SLC12A8: variants seen among roughly 807,000 people sequenced by gnomAD.
SLC12A8 encodes the protein cation-chloride cotransporter 9.
SLC12A8 carries 69 observed loss-of-function variants against 75.6 expected under a neutral mutation model. That is an observed-to-expected ratio of 0.91 (90% CI 0.75 to 1.11). SLC12A8 has a LOEUF of 1.11. Among genes scored for constraint, SLC12A8 ranks in the 50% most tolerant of loss-of-function variants. SLC12A8 has a pLI of 0.00. For missense variants in SLC12A8, 877 were observed against 896.7 expected, an observed-to-expected ratio of 0.98 and a Z score of 0.28; for synonymous variants, 365 against 372.8, an observed-to-expected ratio of 0.98 and a Z score of 0.24.
intron 5 of SLC12A8, among the ~76,000 whole-genome samples, chr3:125,167,238 C>G (rs1487437901): frequency 6.6e-6 from 1 of 152,086 alleles, no homozygotes; most frequent in Non-Finnish European, 1.5e-5. Context: ...CAACCTCTGC[C>G]TCCCGGGTTC....
chr3:125,187,531 T>A, intron 3 of SLC12A8, 103 bp from the exon 4 acceptor site: 1 of 1,059,306 alleles, frequency 9.4e-7, no homozygotes. Context: ...AGCACTGGAA[T>A]AGGGGCCAGG....
intron 9 of SLC12A8, among the ~76,000 whole-genome samples, chr3:125,108,473 A>G (rs1939100222): frequency 6.6e-6 from 1 of 151,712 alleles, no homozygotes; most frequent in South Asian, 2.1e-4. Flanking sequence ...GGCTTAAGCC[A>G]TCCTCCCACC....
chr3:125,145,075 C>T (rs770076928), intron 5 of SLC12A8, among the ~76,000 whole-genome samples: 7 of 152,224 alleles, frequency 4.6e-5, no homozygotes, highest in Non-Finnish European at 8.8e-5. Context: ...AGAAAGTTAG[C>T]ATCACAGCAG....
chr3:125,164,742 C>A (rs1934249156), intron 5 of SLC12A8, among the ~76,000 whole-genome samples: 1 of 152,232 alleles, frequency 6.6e-6, no homozygotes, highest in Non-Finnish European at 1.5e-5. Context: ...GCAGAGCCTG[C>A]ATGAGTAGAG....
rs1938383183 is a variant in SLC12A8 at position 125,083,619 on chromosome 3, G to A, written c.*271C>T. 3.1e-6 allele frequency: 1 copy of A among 325,826 alleles called. No individual in the cohort carries two copies. Among genetic ancestry groups the A allele is most frequent in the African/African-American group, 2.2e-5 (1 of 46,284 alleles). 20.2% of individuals were successfully genotyped at this position (325,826 alleles called of 1,614,324 possible). ...TGCCTATAATCCCAGCTACTCAGGAGGCTGAGGCAGGAGAATTGCTTGAAC... is the reference window on the plus strand; with the variant it reads ...TGCCTATAATCCCAGCTACTCAGGAAGCTGAGGCAGGAGAATTGCTTGAAC... On this transcript the variant is annotated 3_prime_UTR_variant, in exon 14 of 14. Coordinates refer to ENST00000469902, the MANE Select transcript of SLC12A8 (RefSeq NM_024628.6).
intron 5 of SLC12A8, among the ~76,000 whole-genome samples, chr3:125,167,012 C>T (rs1934305393): frequency 6.6e-6 from 1 of 152,134 alleles, no homozygotes; most frequent in Admixed American, 6.5e-5. Context: ...ATCTGTAATG[C>T]TTTATTTATT....
At chr3:125,168,024 G>A (rs923344012) in intron 5 of SLC12A8, among the ~76,000 whole-genome samples, 3 of 152,178 alleles carry the variant, frequency 2.0e-5, no homozygotes, top group South Asian at 4.1e-4. Context: ...TACGAAAAGT[G>A]ATCTGGCTTC....
intron 5 of SLC12A8, among the ~76,000 whole-genome samples, chr3:125,166,196 C>T (rs1368231807): frequency 1.3e-5 from 2 of 152,066 alleles, no homozygotes; most frequent in African/African-American, 2.4e-5. Flanking sequence ...ACACTAGCCT[C>T]GCCATTTCCC....
At chr3:125,091,752 TAA>T (rs1938587233) in intron 11 of SLC12A8, among the ~76,000 whole-genome samples, 196 bp from the exon 12 acceptor site, 1 of 152,286 alleles carries the variant, frequency 6.6e-6, no homozygotes, top group Non-Finnish European at 1.5e-5. Context: ...CTTCTGAAAA[TAA>T]CTCTTTAATT....
At chr3:125,132,657 C>T (rs2942814) in intron 6 of SLC12A8, among the ~76,000 whole-genome samples, 11,226 of 152,112 alleles carry the variant, frequency 0.074, 488 homozygotes, top group Admixed American at 0.095. Flanking sequence ...GTCCAAGATA[C>T]CCAAGAGAAG....
chr3:125,177,147 A>G (rs1303712473), intron 5 of SLC12A8, among the ~76,000 whole-genome samples: 1 of 152,064 alleles, frequency 6.6e-6, no homozygotes, highest in Non-Finnish European at 1.5e-5. Flanking sequence ...ATGCAGCCAT[A>G]AAAAAGGATG....
At chr3:125,192,295 T>G (rs1391983404) in intron 2 of SLC12A8, among the ~76,000 whole-genome samples, 2 of 152,074 alleles carry the variant, frequency 1.3e-5, no homozygotes, top group Non-Finnish European at 2.9e-5. Flanking sequence ...GCTGAGGAGA[T>G]GGAGGCTGAG....
intron 5 of SLC12A8, among the ~76,000 whole-genome samples, chr3:125,138,139 C>T (rs1560064346): frequency 6.6e-6 from 1 of 152,194 alleles, no homozygotes; most frequent in South Asian, 2.1e-4. Flanking sequence ...CAGTGGCTCA[C>T]GCCTGTAATC....
chr3:125,211,478 T>C (rs1045039188), intron 1 of SLC12A8, 84 bp from the exon 2 acceptor site: 1 of 809,230 alleles, frequency 1.2e-6, no homozygotes, highest in Non-Finnish European at 2.2e-6. Context: ...ACTAGAATTG[T>C]TCAAACTACC....
chr3:125,168,992 G>A (rs1321692505), intron 5 of SLC12A8, among the ~76,000 whole-genome samples: 1 of 152,208 alleles, frequency 6.6e-6, no homozygotes, highest in East Asian at 1.9e-4. Context: ...CTCTGGAGTG[G>A]AACCCTGTAG....
intron 2 of SLC12A8, among the ~76,000 whole-genome samples, chr3:125,193,139 TG>T (rs1010239606): frequency 7.9e-5 from 12 of 151,918 alleles, no homozygotes; most frequent in African/African-American, 2.9e-4. Context: ...GAGGCTGAGG[TG>T]GGTGGATCAC....
intron 2 of SLC12A8, among the ~76,000 whole-genome samples, chr3:125,205,106 T>C (rs1217056347): frequency 6.6e-6 from 1 of 152,122 alleles, no homozygotes; most frequent in Non-Finnish European, 1.5e-5. Context: ...GCCACCCCTA[T>C]AACCCAGAGC....
chr3:125,094,248 T>G (rs965218645), intron 10 of SLC12A8, among the ~76,000 whole-genome samples: 1 of 152,162 alleles, frequency 6.6e-6, no homozygotes, highest in Non-Finnish European at 1.5e-5. Flanking sequence ...TTTAGATAGT[T>G]TGCCTTAGTA....
At chr3:125,123,350 G>A (rs28890858) in intron 6 of SLC12A8, among the ~76,000 whole-genome samples, 2,418 of 147,176 alleles carry the variant, frequency 0.016, 24 homozygotes, top group Non-Finnish European at 0.026. Context: ...CTCCAGCCTG[G>A]GTGACAGAGA....
Sources: gnomAD v4.1 joint callset for allele counts (sites outside exome capture counted in the v4.1 genomes callset) on GRCh38, gnomAD v4.1.1 for gene constraint, MANE v1.5 for transcripts, NCBI Gene and HGNC (gene_info 2026-07-23, HGNC 2026-07-21) for gene names.